TUT4: variants seen among roughly 807,000 people sequenced by gnomAD.
TUT4 encodes terminal uridylyl transferase 4.
TUT4 carries 36 observed loss-of-function variants against 192.2 expected under a neutral mutation model. That is an observed-to-expected ratio of 0.19 (90% CI 0.14 to 0.25). The LOEUF is 0.25. TUT4 is among the 10% of genes least tolerant of loss of function. The pLI is 1.00. For synonymous variants in TUT4, 618 were observed against 666.0 expected (o/e 0.93, Z 1.11); for missense variants, 1,493 against 1,957.2 (o/e 0.76, Z 4.47).
intron 7 of TUT4, among the ~76,000 whole-genome samples, chr1:52,493,086 TG>T (rs1285045912): frequency 6.6e-6 from 1 of 152,210 alleles, no homozygotes; most frequent in African/African-American, 2.4e-5. Flanking sequence ...GAAGGTTTTT[TG>T]TTTTTGTATT....
intron 12 of TUT4, among the ~76,000 whole-genome samples, chr1:52,476,656 G>GA (rs757323978): frequency 2.6e-5 from 4 of 151,528 alleles, no homozygotes; most frequent in African/African-American, 9.7e-5. Flanking sequence ...AAGAGGGGGG[G>GA]AAAAGAAAGA....
chr1:52,481,072 T>A (rs1016605858), intron 11 of TUT4, among the ~76,000 whole-genome samples: 2 of 152,158 alleles, frequency 1.3e-5, no homozygotes, highest in African/African-American at 4.8e-5. Flanking sequence ...CTACCCTCTC[T>A]TAGAGCACAG....
intron 1 of TUT4, among the ~76,000 whole-genome samples, chr1:52,546,729 GT>G (rs1688177685): frequency 6.6e-6 from 1 of 152,156 alleles, no homozygotes; most frequent in Non-Finnish European, 1.5e-5. Flanking sequence ...TTGGAAACAA[GT>G]TTAAATGGTT....
chr1:52,454,504 T>C (rs1182191100), intron 20 of TUT4, among the ~76,000 whole-genome samples: 1 of 152,178 alleles, frequency 6.6e-6, no homozygotes, highest in Non-Finnish European at 1.5e-5. Context: ...CAAATGGTAT[T>C]GAAACAAATG....
chr1:52,473,272 A>C (rs1666247443), intron 13 of TUT4, among the ~76,000 whole-genome samples: 2 of 152,156 alleles, frequency 1.3e-5, no homozygotes, highest in South Asian at 4.1e-4. Flanking sequence ...TGGGAGGGGA[A>C]AATGGGGAGG....
chr1:52,469,467 A>T (rs1469740686), intron 14 of TUT4, among the ~76,000 whole-genome samples: 1 of 152,218 alleles, frequency 6.6e-6, no homozygotes, highest in African/African-American at 2.4e-5. Flanking sequence ...GGAACAATTT[A>T]AAAAATGAAT....
chr1:52,455,632 A>AGGGGGGG (rs1570475417), intron 20 of TUT4, among the ~76,000 whole-genome samples: 1 of 57,398 alleles, frequency 1.7e-5, no homozygotes, highest in African/African-American at 6.9e-5. Flanking sequence ...AAAAAAAAAG[A>AGGGGGGG]CGGGGGAGAG....
chr1:52,474,981 T>G lies in TUT4; in HGVS notation c.2578A>C (p.Ser860Arg), dbSNP rs757261194. 3 of 1,614,222 alleles carry G rather than the reference T, an allele frequency of 1.9e-6. No individual in the cohort carries two copies. The highest frequency in any genetic ancestry group is 2.5e-6 in the Non-Finnish European group (3 of 1,180,032). Residue 860 changes from serine (S) to arginine (R), a missense_variant, in exon 13 of 30, where the codon AGT becomes CGT. Ser to Arg is a moderately radical substitution (Grantham distance 110). Coordinates refer to ENST00000257177, the MANE Select transcript of TUT4 (RefSeq NM_001009881.3). ...TDCRSNLETE[S>R]SHQSVCTDTS... ...TCGGTGCACACACTCTGATGTGAAC[T>G]CTCTGTTTCTAAATTTGACCTGCAG...
At chr1:52,440,691 C>T (rs1196681195) in intron 24 of TUT4, among the ~76,000 whole-genome samples, 1 of 152,058 alleles carries the variant, frequency 6.6e-6, no homozygotes, top group Non-Finnish European at 1.5e-5. Flanking sequence ...TCTATCCTTC[C>T]GCCCCAGTTA....
At chr1:52,480,073 T>C (rs1055120118) in intron 11 of TUT4, among the ~76,000 whole-genome samples, 4 of 151,554 alleles carry the variant, frequency 2.6e-5, no homozygotes, top group African/African-American at 7.3e-5. Context: ...TATACAATTA[T>C]GGTGGTCAGG....
At chr1:52,527,506 C>T (rs534066634) in intron 1 of TUT4, among the ~76,000 whole-genome samples, 4 of 152,046 alleles carry the variant, frequency 2.6e-5, no homozygotes, top group East Asian at 1.9e-4. Flanking sequence ...GAGCCAAGAT[C>T]GCACCACTGC....
At chr1:52,466,934 T>C (rs1664380497) in intron 15 of TUT4, among the ~76,000 whole-genome samples, 1 of 151,984 alleles carries the variant, frequency 6.6e-6, no homozygotes, top group African/African-American at 2.4e-5. Context: ...CCCAAAGTGC[T>C]GGGATTATAG....
chr1:52,538,668 A>C lies in TUT4; in HGVS notation c.-93-12295T>G, dbSNP rs1685642665. 4 of 151,060 alleles carry C rather than the reference A, an allele frequency of 2.6e-5. No individual in the cohort carries two copies. The South Asian group carries it at 8.4e-4, about 32-fold the overall frequency. The allele number at this position is 151,060 out of a possible 1,614,324, so 9.4% of individuals were successfully genotyped here. A position where few individuals can be genotyped will look rare whatever the true frequency, so the allele number is the denominator to read the frequency against. On this transcript the variant is annotated intron_variant, in intron 1 of 29. Transcript: ENST00000257177. ...TCTAAAAAAAAAAAAAGAAAAGAAA[A>C]GAAAAAAAAAAAAGAAAAATGAAAA...
intron 11 of TUT4, among the ~76,000 whole-genome samples, chr1:52,480,662 T>C (rs111297151): frequency 6.6e-6 from 1 of 152,130 alleles, no homozygotes; most frequent in African/African-American, 2.4e-5. Flanking sequence ...GAGGGAATAA[T>C]TGCTAGAGTG....
intron 20 of TUT4, among the ~76,000 whole-genome samples, chr1:52,451,257 C>T (rs1053456740): frequency 6.7e-6 from 1 of 149,176 alleles, no homozygotes; most frequent in Admixed American, 6.7e-5. Flanking sequence ...CAGAGCGAGA[C>T]TCTGTCTCAA....
intron 20 of TUT4, among the ~76,000 whole-genome samples, chr1:52,448,494 C>G (rs1658269333): frequency 6.9e-6 from 1 of 145,496 alleles, no homozygotes; most frequent in Non-Finnish European, 1.5e-5. Flanking sequence ...GAGGCGGAGG[C>G]AGGAGAATCG....
chr1:52,480,112 G>C (rs1326922754), intron 11 of TUT4, among the ~76,000 whole-genome samples: 1 of 151,796 alleles, frequency 6.6e-6, no homozygotes, highest in African/African-American at 2.4e-5. Context: ...ATTTGAATTT[G>C]AGAGTGATCA....
intron 20 of TUT4, among the ~76,000 whole-genome samples, chr1:52,449,547 C>A (rs369851313): frequency 6.6e-6 from 1 of 152,206 alleles, no homozygotes; most frequent in Admixed American, 6.5e-5. Flanking sequence ...TAATCTACCC[C>A]CCTCGGCCGC....
intron 11 of TUT4, 85 bp downstream of exon 11, chr1:52,481,338 A>T (rs755552435): frequency 7.1e-7 from 1 of 1,417,526 alleles, no homozygotes; most frequent in African/African-American, 1.4e-5. Context: ...AAGGTCAGTC[A>T]ATCTACAATT....
Sources: gnomAD v4.1 joint callset for allele counts (sites outside exome capture counted in the v4.1 genomes callset) on GRCh38, gnomAD v4.1.1 for gene constraint, MANE v1.5 for transcripts, NCBI Gene and HGNC (gene_info 2026-07-23, HGNC 2026-07-21) for gene names.